The following MAP2K2 variants were observed in gnomAD, a reference collection of about 807,000 sequenced individuals.
MAP2K2 encodes the protein dual specificity mitogen-activated protein kinase kinase 2.
In MAP2K2, 24 loss-of-function variants were observed where a neutral mutation model predicts 43.7. The observed-to-expected ratio is 0.55, with a 90% confidence interval of 0.40 to 0.77. MAP2K2 has a LOEUF of 0.77. MAP2K2 is among the 30% of genes least tolerant of loss of function. The pLI is 0.00. For missense variants in MAP2K2, 470 were observed against 566.8 expected (o/e 0.83, Z 1.73); for synonymous variants, 244 against 239.7 (o/e 1.02, Z -0.17).
At chr19:4,119,014 A>G (rs350887) in intron 1 of MAP2K2, among the ~76,000 whole-genome samples, 127,761 of 152,152 alleles carry the variant, frequency 0.84, 53,834 homozygotes, top group East Asian at 0.97. Flanking sequence ...TCTAGTACCC[A>G]TGTTTAAAAA....
In MAP2K2 at chr19:4,099,602, G is replaced by A. The variant is rs1034640852; in HGVS notation, c.706-188C>T. 6 of 606,582 alleles carry A rather than the reference G, an allele frequency of 9.9e-6. No homozygotes were observed. In the Admixed American group the frequency reaches 1.1e-4, roughly 12 times the overall value. 37.6% of individuals were successfully genotyped at this position (606,582 alleles called of 1,614,324 possible). A position where few individuals can be genotyped will look rare whatever the true frequency, so the allele number is the denominator to read the frequency against. ...GGGCCTCCCTGCGGCACTTGCTGAAGAGGCTTCCAGCCCGAGGCCTGGAGC... is the reference window on the plus strand; with the variant it reads ...GGGCCTCCCTGCGGCACTTGCTGAAAAGGCTTCCAGCCCGAGGCCTGGAGC... On this transcript the variant is annotated intron_variant, in intron 6 of 10. Transcript: ENST00000262948.
In MAP2K2 at chr19:4,090,547, G is replaced by C; in HGVS notation, c.*51C>G. 1 of 1,433,480 alleles carries C rather than the reference G, an allele frequency of 7.0e-7. No homozygotes were observed. Among genetic ancestry groups the C allele is most frequent in the East Asian group, 2.5e-5 (1 of 40,340 alleles). The allele number at this position is 1,433,480 out of a possible 1,614,324, so 88.8% of individuals were successfully genotyped here. A position where few individuals can be genotyped will look rare whatever the true frequency, so the allele number is the denominator to read the frequency against. On this transcript the variant is annotated 3_prime_UTR_variant, in exon 11 of 11. Transcript: ENST00000262948. ...TCCTCAGCTGGAAGGGCGGGGCATG[G>C]ACAGGGACGGTGGGCAGGTCACCAG...
Position 4,099,182 on chromosome 19 carries a change from T to C in MAP2K2, c.919+19A>G, listed in dbSNP as rs757492030. On this transcript the variant is annotated intron_variant, in intron 7 of 10. Coordinates refer to ENST00000262948, the MANE Select transcript of MAP2K2 (RefSeq NM_030662.4). ...GGGCACTGCGCGTCCAGACCGGAAG[T>C]TGCAGATTCAGGCCGTACCGCTGAC... The C allele has an allele frequency of 5.7e-6, 9 of 1,587,720 alleles. No homozygotes were observed. The highest frequency in any genetic ancestry group is 7.7e-6 in the Non-Finnish European group (9 of 1,168,408).
In MAP2K2 at chr19:4,090,493, G is replaced by A. The variant is rs1372461424; in HGVS notation, c.*105C>T. The A allele has an allele frequency of 3.1e-6, 3 of 964,354 alleles. No homozygotes were observed. Among genetic ancestry groups the A allele is most frequent in the Admixed American group, 4.0e-5 (2 of 50,202 alleles). 59.7% of individuals were successfully genotyped at this position (964,354 alleles called of 1,614,324 possible). On this transcript the variant is annotated 3_prime_UTR_variant, in exon 11 of 11. Transcript: ENST00000262948. ...CCACGGTGCTCTCCGCAGGGGTGAGGCAGGAGGGTGGGTGGAGGCGCCAGC... is the reference window on the plus strand; with the variant it reads ...CCACGGTGCTCTCCGCAGGGGTGAGACAGGAGGGTGGGTGGAGGCGCCAGC...
Position 4,099,412 on chromosome 19 carries a change from C to A in MAP2K2, c.708G>T (p.Pro236=), listed in dbSNP as rs569999283. The A allele has an allele frequency of 2.5e-6, 4 of 1,600,900 alleles. No individual in the cohort carries two copies. The highest frequency in any genetic ancestry group is 3.4e-5 in the Admixed American group (2 of 58,146). ...SFVGTRSYMA[P]ERLQGTHYSV... The stretch of plus-strand genomic sequence containing the variant: ...AGTAATGTGTGCCCTGCAACCGCTC[C>A]GGCTGCAGCAGAGCCAGGGAGGAAA... The change falls in exon 7 of 11, where the codon CCG becomes CCT. Residue 236 remains proline, a splice_region_variant and synonymous_variant. Coordinates refer to ENST00000262948, the MANE Select transcript of MAP2K2 (RefSeq NM_030662.4).
intron 1 of MAP2K2, among the ~76,000 whole-genome samples, chr19:4,123,432 C>A (rs909395150): frequency 1.3e-5 from 2 of 151,954 alleles, no homozygotes; most frequent in African/African-American, 4.8e-5. Context: ...CTCCCGTTAT[C>A]CCAATTCCAC....
intron 10 of MAP2K2, among the ~76,000 whole-genome samples, 161 bp downstream of exon 10, chr19:4,094,292 C>A (rs1033730707): frequency 6.6e-6 from 1 of 152,194 alleles, no homozygotes; most frequent in Non-Finnish European, 1.5e-5. Flanking sequence ...ATGAGAGAGA[C>A]CCACAGAGGG....
At chr19:4,102,055 A>G (rs1465624114) in intron 4 of MAP2K2, among the ~76,000 whole-genome samples, 1 of 151,962 alleles carries the variant, frequency 6.6e-6, no homozygotes, top group Non-Finnish European at 1.5e-5. Context: ...CCCTTTCAAC[A>G]AGCTCCTGTC....
chr19:4,118,655 C>T (rs2041257564), intron 1 of MAP2K2, among the ~76,000 whole-genome samples: 1 of 152,040 alleles, frequency 6.6e-6, no homozygotes, highest in Admixed American at 6.6e-5. Flanking sequence ...AGACCTATAG[C>T]CGAGCACAGT....
intron 3 of MAP2K2, among the ~76,000 whole-genome samples, chr19:4,103,841 A>G (rs1451280237): frequency 6.6e-6 from 1 of 152,234 alleles, no homozygotes; most frequent in Non-Finnish European, 1.5e-5. Flanking sequence ...GTGAGAGGGC[A>G]GGTATGGCCA....
chr19:4,118,833 A>G (rs1319099318), intron 1 of MAP2K2, among the ~76,000 whole-genome samples: 2 of 152,190 alleles, frequency 1.3e-5, no homozygotes, highest in Non-Finnish European at 2.9e-5. Context: ...ATTGCACTTT[A>G]TTGGGTGATT....
intron 4 of MAP2K2, 36 bp downstream of exon 4, chr19:4,102,340 C>T (rs369519491): frequency 2.6e-5 from 40 of 1,530,952 alleles, no homozygotes; most frequent in South Asian, 4.7e-5. Flanking sequence ...GTGCAGAGTG[C>T]GGTGGGGGCG....
In MAP2K2 at chr19:4,099,306, C is replaced by T. The variant is rs757240576; in HGVS notation, c.814G>A (p.Ala272Thr). The T allele has an allele frequency of 6.2e-6, 10 of 1,606,586 alleles. No homozygotes were observed. The highest frequency in any genetic ancestry group is 2.7e-5 in the African/African-American group (2 of 74,830). ...CCAAAGATGGCCTCCAGCTCTTTGG[C>T]GTCGGGCGGGGGGATGGGGTACCTT... ...VGRYPIPPPD[A>T]KELEAIFGRP... Residue 272 changes from alanine to threonine, a missense_variant, in exon 7 of 11, where the codon GCC becomes ACC. Coordinates refer to ENST00000262948, the MANE Select transcript of MAP2K2 (RefSeq NM_030662.4).
chr19:4,099,157 G>A (rs1253303780), intron 7 of MAP2K2, 44 bp downstream of exon 7: 19 of 1,530,930 alleles, frequency 1.2e-5, no homozygotes, highest in East Asian at 2.4e-5. Flanking sequence ...GCCCCGCGCA[G>A]GGCACTGCGC....
chr19:4,108,954 C>G (rs1406703366), intron 3 of MAP2K2, among the ~76,000 whole-genome samples: 1 of 152,194 alleles, frequency 6.6e-6, no homozygotes. Context: ...CGTGACTCTG[C>G]GAGCAGCGGG....
chr19:4,114,702 A>C (rs1311434560), intron 2 of MAP2K2, among the ~76,000 whole-genome samples: 1 of 152,174 alleles, frequency 6.6e-6, no homozygotes, highest in African/African-American at 2.4e-5. Flanking sequence ...TAATCCCAGC[A>C]ATCTGGGAGG....
intron 1 of MAP2K2, among the ~76,000 whole-genome samples, chr19:4,122,618 A>C (rs1599311781): frequency 7.6e-6 from 1 of 132,308 alleles, no homozygotes; most frequent in African/African-American, 2.9e-5. Flanking sequence ...CCTGCACCCC[A>C]TCTTCTCTCT....
chr19:4,109,928 T>C (rs73536072), intron 3 of MAP2K2, among the ~76,000 whole-genome samples: 13,312 of 152,104 alleles, frequency 0.088, 1,955 homozygotes, highest in African/African-American at 0.3. Flanking sequence ...ACGGGAGTGT[T>C]TTCCCTCTCT....
At chr19:4,092,455 GGC>G (rs2040863224) in intron 10 of MAP2K2, among the ~76,000 whole-genome samples, 1 of 152,076 alleles carries the variant, frequency 6.6e-6, no homozygotes, top group Non-Finnish European at 1.5e-5. Flanking sequence ...CGGGTGTGGT[GGC>G]ACGAGCCTGT....
Sources: gnomAD v4.1 joint callset for allele counts (sites outside exome capture counted in the v4.1 genomes callset) on GRCh38, gnomAD v4.1.1 for gene constraint, MANE v1.5 for transcripts, NCBI Gene and HGNC (gene_info 2026-07-23, HGNC 2026-07-21) for gene names.